The following ZNF519 variants were observed in gnomAD, a reference collection of about 807,000 sequenced individuals.
ZNF519 encodes the protein zinc finger protein 519, also known as similar to Zinc finger protein 85 (Zinc finger protein HPF4) (HTF1).
A neutral mutation model predicts 7.4 loss-of-function variants in ZNF519; 7 were observed. The ratio of observed to expected loss-of-function variants is 0.94; its 90% CI spans 0.54 to 1.77. The LOEUF (loss-of-function observed/expected upper bound fraction) is 1.77. Ranked by LOEUF, ZNF519 falls within the 40% of genes most tolerant of loss-of-function variation. The pLI is 0.00. For synonymous variants in ZNF519, 179 were observed against 203.3 expected, an observed-to-expected ratio of 0.88 and a Z score of 1.02; for missense variants, 586 against 623.1, an observed-to-expected ratio of 0.94 and a Z score of 0.63.
intron 1 of ZNF519, among the ~76,000 whole-genome samples, chr18:14,130,600 C>T (rs2046324339): frequency 1.3e-5 from 2 of 151,902 alleles, no homozygotes; most frequent in African/African-American, 4.9e-5. Context: ...CCCCATACTC[C>T]TCACTGAAGT....
intron 2 of ZNF519, among the ~76,000 whole-genome samples, chr18:14,087,019 A>G (rs1052501602): frequency 8.5e-5 from 13 of 152,206 alleles, no homozygotes; most frequent in African/African-American, 3.1e-4. Context: ...ATCCCATTGC[A>G]CATCGTGAAG....
At chr18:14,117,847 G>A (rs961338783) in intron 2 of ZNF519, among the ~76,000 whole-genome samples, 2 of 151,896 alleles carry the variant, frequency 1.3e-5, no homozygotes, top group Non-Finnish European at 2.9e-5. Flanking sequence ...AGTACCAAAG[G>A]GAATGGTGTT....
intron 1 of ZNF519, among the ~76,000 whole-genome samples, chr18:14,130,628 C>T (rs191252841): frequency 2.5e-4 from 38 of 152,014 alleles, no homozygotes; most frequent in Admixed American, 2.2e-3. Flanking sequence ...GCCCACCCTC[C>T]CAGGAGACAC....
downstream of ZNF519, chr18:14,071,708 CCAATACTTCTA>C (rs2143062577): frequency 6.6e-6 from 1 of 152,130 alleles, no homozygotes; most frequent in African/African-American, 2.4e-5. Context: ...ATGCAGGACA[CCAATACTTCTA>C]TGATATGACC....
chr18:14,102,659 A>G lies in ZNF519; in HGVS notation c.*2258T>C, dbSNP rs902218736. The G allele has an allele frequency of 2.0e-5, 3 of 152,212 alleles. No homozygotes were observed. In the East Asian group the frequency reaches 5.8e-4, roughly 29 times the overall value. 9.4% of individuals were successfully genotyped at this position (152,212 alleles called of 1,614,324 possible). ...AATGTAGAGTACTTTTTAAAATAATAATAATTTATTCTCTATATGTTGTAA... is the reference window on the plus strand; with the variant it reads ...AATGTAGAGTACTTTTTAAAATAATGATAATTTATTCTCTATATGTTGTAA... On this transcript the variant is annotated 3_prime_UTR_variant, in exon 3 of 3. Coordinates refer to ENST00000590202, the MANE Select transcript of ZNF519 (RefSeq NM_145287.4).
In ZNF519 at chr18:14,105,217, A is replaced by AC; in HGVS notation, c.1322_1323insG (p.Phe441LeufsTer2). ...GTCGAGTAAGGTGTGAGCCCCTGTTAAAGGCTTTGCCACATTCTTTACATT... is the reference window on the plus strand; with the variant it reads ...GTCGAGTAAGGTGTGAGCCCCTGTTACAAGGCTTTGCCACATTCTTTACATT... On this transcript the variant is annotated frameshift_variant, in exon 3 of 3. Coordinates refer to ENST00000590202, the MANE Select transcript of ZNF519 (RefSeq NM_145287.4). LOFTEE classifies it low-confidence loss of function (END_TRUNC). 6.4e-7 allele frequency: 1 copy of AC among 1,571,598 alleles called. No homozygotes were observed. Among genetic ancestry groups the AC allele is most frequent in the Non-Finnish European group, 8.7e-7 (1 of 1,145,388 alleles).
chr18:14,099,406 T>C (rs1341912808), downstream of ZNF519, among the ~76,000 whole-genome samples: 2 of 152,308 alleles, frequency 1.3e-5, no homozygotes, highest in East Asian at 1.9e-4. Flanking sequence ...TGCAAGTACA[T>C]AGTAGCTGCC....
At position 14,100,505 on chromosome 18, in the gene ZNF519, A is replaced by G. The variant is rs1408807885; in HGVS notation, c.*4412T>C. ...AACCCACAGCAATAACAAAAGGAAC[A>G]AACTAAAACATAAACCAATTTAGAT... On this transcript the variant is annotated 3_prime_UTR_variant, in exon 3 of 3. Transcript: ENST00000590202. The G allele has an allele frequency of 6.6e-6, 1 of 152,248 alleles. No homozygotes were observed. Among genetic ancestry groups the G allele is most frequent in the Non-Finnish European group, 1.5e-5 (1 of 68,048 alleles). 9.4% of individuals were successfully genotyped at this position (152,248 alleles called of 1,614,324 possible).
At chr18:14,086,346 G>C (rs1385360466) in intron 2 of ZNF519, among the ~76,000 whole-genome samples, 1 of 152,180 alleles carries the variant, frequency 6.6e-6, no homozygotes, top group Non-Finnish European at 1.5e-5. Flanking sequence ...CTAGAGCCAT[G>C]AATAAATCTC....
rs1044183560 is a variant in ZNF519 at position 14,101,642 on chromosome 18, C to T, written c.*3275G>A. 5.0e-6 allele frequency: 2 copies of T among 398,360 alleles called. No individual in the cohort carries two copies. The highest frequency in any genetic ancestry group is 4.1e-5 in the African/African-American group (2 of 48,578). 24.7% of individuals were successfully genotyped at this position (398,360 alleles called of 1,614,324 possible). ...AGGCCTTCTCAGCCATGTCTGGGCC[C>T]TGGTTATAGAGACCATCTCTACACC... On this transcript the variant is annotated 3_prime_UTR_variant, in exon 3 of 3. Coordinates refer to ENST00000590202, the MANE Select transcript of ZNF519 (RefSeq NM_145287.4).
At chr18:14,121,497 T>C (rs753700813) in intron 2 of ZNF519, among the ~76,000 whole-genome samples, 1 of 152,166 alleles carries the variant, frequency 6.6e-6, no homozygotes, top group Non-Finnish European at 1.5e-5. Context: ...GAAAAATCCA[T>C]GCCACACAAA....
chr18:14,125,291 C>T (rs1247079505), intron 1 of ZNF519, among the ~76,000 whole-genome samples: 1 of 152,172 alleles, frequency 6.6e-6, no homozygotes, highest in African/African-American at 2.4e-5. Flanking sequence ...CTGAATAAGT[C>T]TGCAGTTGAA....
intron 2 of ZNF519, among the ~76,000 whole-genome samples, chr18:14,093,179 G>T (rs1157120874): frequency 6.6e-6 from 1 of 152,154 alleles, no homozygotes; most frequent in Non-Finnish European, 1.5e-5. Flanking sequence ...CGAAAGGGCA[G>T]AGTCCATCCA....
rs9955639 is a variant in ZNF519 at position 14,131,808 on chromosome 18, A to G, written c.3+467T>C. 8.4e-3 allele frequency among the ~76,000 whole-genome samples: 1,273 copies of G among 152,248 alleles called. 19 individuals carry two copies. The highest frequency in any genetic ancestry group is 0.028 in the African/African-American group (1,158 of 41,532). On this transcript the variant is annotated intron_variant, in intron 1 of 2. Transcript: ENST00000590202. The stretch of plus-strand genomic sequence containing the variant: ...TTTGCTTCCTCACACACCTTATACA[A>G]GCCTTTCTTTCAAGACCTTCTAGTA...
At chr18:14,072,098 T>C (rs1236474542), downstream of ZNF519, 1 of 152,210 alleles carries the variant, frequency 6.6e-6, no homozygotes, top group African/African-American at 2.4e-5. Context: ...GCATTTTCAT[T>C]TCCTAATGCA....
downstream of ZNF519, among the ~76,000 whole-genome samples, chr18:14,095,504 T>C (rs538252057): frequency 6.6e-5 from 10 of 152,314 alleles, no homozygotes; most frequent in African/African-American, 2.4e-4. Flanking sequence ...GAGACATCCT[T>C]AGACAACATG....
chr18:14,090,054 G>A (rs752370006), intron 2 of ZNF519: 1 of 152,074 alleles, frequency 6.6e-6, no homozygotes, highest in African/African-American at 2.4e-5. Context: ...CTCGGTCCAC[G>A]ACTCACCTTC....
At chr18:14,107,968 G>T (rs1280608293) in intron 2 of ZNF519, among the ~76,000 whole-genome samples, 1 of 152,170 alleles carries the variant, frequency 6.6e-6, no homozygotes, top group East Asian at 1.9e-4. Flanking sequence ...CTCCTGGATG[G>T]CACCGATGGG....
chr18:14,071,746 CT>C (rs2143062659), downstream of ZNF519: 1 of 152,308 alleles, frequency 6.6e-6, no homozygotes, highest in South Asian at 2.1e-4. Context: ...TGGTGTTGGG[CT>C]TTACAGGAGC....
Sources: allele counts gnomAD v4.1 joint callset (sites outside exome capture counted in the v4.1 genomes callset), GRCh38; gene constraint gnomAD v4.1.1; transcripts MANE v1.5; gene names NCBI Gene and HGNC (gene_info 2026-07-23, HGNC 2026-07-21).